Variants in TRIM55 observed in about 807,000 individuals in gnomAD.
TRIM55 encodes tripartite motif-containing protein 55.
TRIM55 carries 50 observed loss-of-function variants against 60.9 expected under a neutral mutation model. That is an observed-to-expected ratio of 0.82 (90% CI 0.65 to 1.04). TRIM55 has a LOEUF of 1.04. Among genes scored for constraint, TRIM55 ranks in the 50% least tolerant of loss-of-function variants. TRIM55 has a pLI of 0.00. For missense variants in TRIM55, 681 were observed against 666.9 expected (o/e 1.02, Z -0.23); for synonymous variants, 237 against 238.1 (o/e 1.00, Z 0.04).
At chr8:66,129,754 T>A (rs1246716187) in intron 2 of TRIM55, among the ~76,000 whole-genome samples, 1 of 152,236 alleles carries the variant, frequency 6.6e-6, no homozygotes, top group Non-Finnish European at 1.5e-5. Context: ...CAATTAATTA[T>A]GAGATTGATG....
the TRIM55 span, among the ~76,000 whole-genome samples, chr8:66,116,466 G>A: frequency 6.6e-6 from 1 of 151,846 alleles, no homozygotes; most frequent in Non-Finnish European, 1.5e-5. Flanking sequence ...AAGTAGCTGC[G>A]TGCGGTGGCG....
In TRIM55 at chr8:66,127,307, G is replaced by A. The variant is rs141070105; in HGVS notation, c.39G>A (p.Glu13=). The A allele has an allele frequency of 7.4e-6, 12 of 1,614,066 alleles. No homozygotes were observed. The highest frequency in any genetic ancestry group is 4.0e-5 in the African/African-American group (3 of 74,930). Residue 13 remains glutamate (E), a synonymous_variant, in exon 1 of 10, where the codon GAG becomes GAA. Coordinates refer to ENST00000315962, the MANE Select transcript of TRIM55 (RefSeq NM_184085.2). The part of the protein sequence containing the change: ...ASLNYKSFSK[E]QQTMDNLEKQ... ...TGAATTACAAATCTTTTTCCAAAGA[G>A]CAGCAGACCATGGATAACTTAGAGA...
chr8:66,127,371 A>G lies in TRIM55; in HGVS notation c.103A>G (p.Lys35Glu), dbSNP rs1455868182. The G allele has an allele frequency of 8.7e-6, 14 of 1,614,210 alleles. No individual in the cohort carries two copies. The highest frequency in any genetic ancestry group is 1.7e-5 in the Admixed American group (1 of 60,020). Residue 35 changes from lysine to glutamate, a missense_variant, in exon 1 of 10, where the codon AAA (lysine) becomes GAA (glutamate). Physicochemically the swap from Lys to Glu is moderately conservative, Grantham distance 56 (BLOSUM62 1). Coordinates refer to ENST00000315962, the MANE Select transcript of TRIM55 (RefSeq NM_184085.2). Reference sequence around the variant, plus strand: ...TCCCATCTGCTTAGAGATGTTCACGAAACCTGTGGTGATTCTCCCTTGTCA... The same window carrying G: ...TCCCATCTGCTTAGAGATGTTCACGGAACCTGTGGTGATTCTCCCTTGTCA... ...ICPICLEMFTKPVVILPCQHN... is the reference protein window; with the variant it reads ...ICPICLEMFTEPVVILPCQHN...
At chr8:66,127,968 A>G (rs1375384732) in intron 1 of TRIM55, among the ~76,000 whole-genome samples, 1 of 152,214 alleles carries the variant, frequency 6.6e-6, no homozygotes, top group Non-Finnish European at 1.5e-5. Flanking sequence ...ACTAAGAATC[A>G]TATTTTTTTT....
chr8:66,147,751 C>T (rs191221169), intron 4 of TRIM55, among the ~76,000 whole-genome samples: 9 of 146,430 alleles, frequency 6.1e-5, no homozygotes, highest in East Asian at 2.1e-4. Flanking sequence ...GCCGAGATCG[C>T]GCCATTGCAC....
the TRIM55 span, among the ~76,000 whole-genome samples, chr8:66,114,352 G>A: frequency 2.6e-3 from 392 of 152,262 alleles, 3 homozygotes; most frequent in African/African-American, 9.1e-3. Context: ...AGAGTAGGGC[G>A]AGCTCCAGCT....
the TRIM55 span, among the ~76,000 whole-genome samples, chr8:66,114,078 A>C: frequency 1.2e-4 from 7 of 57,876 alleles, no homozygotes; most frequent in African/African-American, 3.9e-4. Context: ...CTCGAAGGAG[A>C]GACACCCCCC....
intron 9 of TRIM55, among the ~76,000 whole-genome samples, chr8:66,168,511 C>A (rs1811446313): frequency 6.6e-6 from 1 of 152,242 alleles, no homozygotes; most frequent in Non-Finnish European, 1.5e-5. Flanking sequence ...TTCTCTGACC[C>A]AGCCTAGCAG....
At chr8:66,165,712 G>A (rs537370553) in intron 9 of TRIM55, among the ~76,000 whole-genome samples, 32 of 152,238 alleles carry the variant, frequency 2.1e-4, no homozygotes, top group Admixed American at 7.8e-4. Context: ...GATAACAATA[G>A]AGAAAAACTG....
the TRIM55 span, among the ~76,000 whole-genome samples, chr8:66,114,254 A>G: frequency 3.3e-5 from 5 of 152,278 alleles, no homozygotes; most frequent in East Asian, 3.9e-4. Flanking sequence ...CGATGCCCGC[A>G]TCCTCCAGTT....
chr8:66,113,876 C>T, the TRIM55 span, among the ~76,000 whole-genome samples: 2 of 152,120 alleles, frequency 1.3e-5, no homozygotes, highest in African/African-American at 2.4e-5. Context: ...AGGTATCTGG[C>T]GCTCCCGGAA....
At chr8:66,127,485 C>T (rs753842835) in intron 1 of TRIM55, 49 bp downstream of exon 1, 74 of 1,592,270 alleles carry the variant, frequency 4.6e-5, no homozygotes, top group Middle Eastern at 3.3e-4. Context: ...AAAAGATTCC[C>T]TCCTCTTGGA....
intron 2 of TRIM55, among the ~76,000 whole-genome samples, chr8:66,133,997 C>T (rs1422938896): frequency 6.6e-6 from 1 of 152,268 alleles, no homozygotes; most frequent in Non-Finnish European, 1.5e-5. Context: ...CACACGTACA[C>T]CTGAAACAAA....
intron 4 of TRIM55, among the ~76,000 whole-genome samples, chr8:66,147,813 A>AAAAAAAAC (rs1554528462): frequency 6.9e-5 from 10 of 144,528 alleles, no homozygotes; most frequent in African/African-American, 1.1e-4. Context: ...AAAAAAAAAA[A>AAAAAAAAC]AAAACCACAA....
chr8:66,173,098 A>G (rs1044509677), intron 9 of TRIM55, among the ~76,000 whole-genome samples: 2 of 152,204 alleles, frequency 1.3e-5, no homozygotes, highest in Admixed American at 6.5e-5. Flanking sequence ...AAGGACATTG[A>G]GGTATCTGAC....
upstream of TRIM55, among the ~76,000 whole-genome samples, chr8:66,124,118 G>A (rs1389495287): frequency 6.6e-6 from 1 of 152,098 alleles, no homozygotes; most frequent in Non-Finnish European, 1.5e-5. Flanking sequence ...TTTCATAGCA[G>A]CCCCAGGGAT....
In TRIM55 at chr8:66,154,153, G is replaced by A. The variant is rs754934747; in HGVS notation, c.1343G>A (p.Gly448Asp). The change falls in exon 9 of 10, where the codon GGC (glycine) becomes GAC (aspartate). Residue 448 changes from glycine (G) to aspartate (D), a missense_variant. Transcript: ENST00000315962. ...TTGTTTTACCCTAGTTGGTATAAAG[G>A]CCAAACCCGGAAAGCCACCACCAAC... ...DPLFYPSWYK[G>D]QTRKATTNPP... 6.2e-7 allele frequency: 1 copy of A among 1,614,060 alleles called. No individual in the cohort carries two copies. Among genetic ancestry groups the A allele is most frequent in the Non-Finnish European group, 8.5e-7 (1 of 1,180,014 alleles).
Position 66,135,154 on chromosome 8 carries a change from A to G in TRIM55, c.506A>G (p.Lys169Arg), listed in dbSNP as rs1309046313. Reference protein sequence around the residue: ...APLTHVFQRQKSELSDGIAIL... With the variant: ...APLTHVFQRQRSELSDGIAIL... ...CTCACTCATGTGTTCCAGAGACAGA[A>G]GGTAACAGAGCTGCTCCCTCCCTCC... is the stretch of plus-strand genomic sequence containing the variant. Residue 169 changes from lysine (K) to arginine (R), a missense_variant and splice_region_variant, in exon 3 of 10, where the codon AAG (lysine) becomes AGG (arginine). Physicochemically the swap from Lys to Arg is conservative, Grantham distance 26. Coordinates refer to ENST00000315962, the MANE Select transcript of TRIM55 (RefSeq NM_184085.2). 1 of 1,614,072 alleles carries G rather than the reference A, an allele frequency of 6.2e-7. No homozygotes were observed. Among genetic ancestry groups the G allele is most frequent in the East Asian group, 2.2e-5 (1 of 44,878 alleles).
chr8:66,155,604 T>C, intron 9 of TRIM55: 1 of 1,527,100 alleles, frequency 6.5e-7, no homozygotes, highest in Non-Finnish European at 9.0e-7. Context: ...AGTGAAGCTT[T>C]CTTCTTGTTT....
Sources: gnomAD v4.1 joint callset for allele counts (sites outside exome capture counted in the v4.1 genomes callset) on GRCh38, gnomAD v4.1.1 for gene constraint, MANE v1.5 for transcripts, NCBI Gene and HGNC (gene_info 2026-07-23, HGNC 2026-07-21) for gene names.